Variants in DYNC1I1 observed in about 807,000 individuals in gnomAD.
DYNC1I1 encodes dynein cytoplasmic 1 intermediate chain 1, also known as cytoplasmic dynein 1 intermediate chain 1.
Under a neutral mutation model 86.6 loss-of-function variants are expected in DYNC1I1, and 43 were observed. The ratio of observed to expected loss-of-function variants is 0.50; its 90% confidence interval spans 0.39 to 0.64. The LOEUF (loss-of-function observed/expected upper bound fraction) is 0.64. DYNC1I1 is among the 30% of genes least tolerant of loss of function. The pLI is 0.00. For synonymous variants in DYNC1I1, 262 were observed against 283.7 expected (o/e 0.92, Z 0.77); for missense variants, 604 against 788.8 (o/e 0.77, Z 2.81).
At chr7:95,823,246 C>T (rs1473570439) in intron 4 of DYNC1I1, among the ~76,000 whole-genome samples, 1 of 152,058 alleles carries the variant, frequency 6.6e-6, no homozygotes, top group African/African-American at 2.4e-5. Flanking sequence ...TCCTCCAAGA[C>T]CAGGTCAAAT....
At chr7:95,785,775 G>A (rs1047377094) in intron 1 of DYNC1I1, among the ~76,000 whole-genome samples, 15 of 124,896 alleles carry the variant, frequency 1.2e-4, no homozygotes, top group East Asian at 2.6e-4. Context: ...GTGTGTATGT[G>A]TATATATATA....
At chr7:95,954,005 C>T (rs190069334) in intron 6 of DYNC1I1, among the ~76,000 whole-genome samples, 2 of 152,130 alleles carry the variant, frequency 1.3e-5, no homozygotes, top group East Asian at 3.9e-4. Context: ...AAAGGGGTTC[C>T]CATGCTCTCC....
intron 5 of DYNC1I1, among the ~76,000 whole-genome samples, chr7:95,854,678 A>G (rs1789669650): frequency 6.6e-6 from 1 of 152,220 alleles, no homozygotes; most frequent in South Asian, 2.1e-4. Context: ...GTGTTAAAAT[A>G]AAGATTTAAC....
chr7:95,810,255 C>A, intron 2 of DYNC1I1, 137 bp from the exon 3 acceptor site: 1 of 527,238 alleles, frequency 1.9e-6, no homozygotes. Context: ...GTTTATTCAT[C>A]CTTTATACAT....
At chr7:95,837,821 T>C (rs1467023351) in intron 5 of DYNC1I1, among the ~76,000 whole-genome samples, 2 of 152,294 alleles carry the variant, frequency 1.3e-5, no homozygotes, top group Non-Finnish European at 2.9e-5. Flanking sequence ...CTCACCCTGC[T>C]TCGGCTCGCG....
intron 5 of DYNC1I1, among the ~76,000 whole-genome samples, chr7:95,831,135 A>T (rs2115942533): frequency 6.6e-6 from 1 of 152,248 alleles, no homozygotes; most frequent in East Asian, 1.9e-4. Context: ...TTTATGGGGT[A>T]TATAATTTAT....
chr7:95,959,803 G>C (rs984243363), intron 6 of DYNC1I1, among the ~76,000 whole-genome samples: 2 of 152,128 alleles, frequency 1.3e-5, no homozygotes, highest in African/African-American at 4.8e-5. Context: ...AATTCAATGA[G>C]AGAATCATTG....
At chr7:96,083,615 G>A (rs569243585) in intron 16 of DYNC1I1, among the ~76,000 whole-genome samples, 3 of 152,148 alleles carry the variant, frequency 2.0e-5, no homozygotes, top group Non-Finnish European at 2.9e-5. Flanking sequence ...ACTGCGGAAG[G>A]CCAGATGGAA....
chr7:95,813,263 TC>T lies in DYNC1I1; in HGVS notation c.243del (p.Ser82ProfsTer5). ...EPPLVPTPMS[P>X]SSKSVSTPSE... Reference sequence around the variant, plus strand: ...ATTATTTAGTCCCAACCCCTATGTCTCCCTCCTCGAAATCAGTGAGCACTCC... The same window carrying T: ...ATTATTTAGTCCCAACCCCTATGTCTCCTCCTCGAAATCAGTGAGCACTCC... On this transcript the variant is annotated frameshift_variant, in exon 4 of 17. Transcript: ENST00000447467. LOFTEE classifies it high-confidence loss of function. 1 of 1,612,560 alleles carries T rather than the reference TC, an allele frequency of 6.2e-7. No individual in the cohort carries two copies. The highest frequency in any genetic ancestry group is 8.5e-7 in the Non-Finnish European group (1 of 1,179,516).
At chr7:95,986,709 A>C (rs1394251095) in intron 8 of DYNC1I1, among the ~76,000 whole-genome samples, 1 of 151,958 alleles carries the variant, frequency 6.6e-6, no homozygotes, top group Non-Finnish European at 1.5e-5. Flanking sequence ...TTGATAGCAG[A>C]GATTTCTAAT....
chr7:95,957,853 A>G (rs960998693), intron 6 of DYNC1I1, among the ~76,000 whole-genome samples: 1 of 152,220 alleles, frequency 6.6e-6, no homozygotes, highest in African/African-American at 2.4e-5. Context: ...TTTAAGCCAC[A>G]TTTAAACTCA....
At chr7:96,063,329 G>A (rs1789849012) in intron 14 of DYNC1I1, among the ~76,000 whole-genome samples, 1 of 151,980 alleles carries the variant, frequency 6.6e-6, no homozygotes, top group African/African-American at 2.4e-5. Context: ...GTGGGGAACT[G>A]TGCGCATGTG....
intron 6 of DYNC1I1, among the ~76,000 whole-genome samples, chr7:95,947,980 C>CTTT (rs35181190): frequency 0.012 from 1,325 of 106,804 alleles, 51 homozygotes; most frequent in African/African-American, 0.043. Context: ...TTGTATGTGG[C>CTTT]TTTTTTTTTT....
chr7:95,810,395 G>C lies in DYNC1I1; in HGVS notation c.112G>C (p.Asp38His). ...TCTTACTGACGTCTACTTCTAGGCT[G>C]ATATGCAGCAGAAGAAAGAACCCGT... ...KEEERKKKEADMQQKKEPVQD... is the reference protein window; with the variant it reads ...KEEERKKKEAHMQQKKEPVQD... Residue 38 changes from aspartate (D) to histidine (H), a missense_variant, in exon 3 of 17, where the codon GAT becomes CAT. Asp to His is a moderately conservative substitution (Grantham distance 81). Transcript: ENST00000447467. 2 of 1,607,640 alleles carry C rather than the reference G, an allele frequency of 1.2e-6. No homozygotes were observed. Among genetic ancestry groups the C allele is most frequent in the Non-Finnish European group, 1.7e-6 (2 of 1,177,110 alleles).
chr7:95,792,463 A>G (rs1794329140), intron 1 of DYNC1I1, among the ~76,000 whole-genome samples: 1 of 152,206 alleles, frequency 6.6e-6, no homozygotes, highest in Non-Finnish European at 1.5e-5. Flanking sequence ...CACAGGATAC[A>G]GAGAGGAATC....
intron 9 of DYNC1I1, among the ~76,000 whole-genome samples, chr7:95,992,975 T>C (rs1793768595): frequency 1.3e-5 from 2 of 152,144 alleles, no homozygotes; most frequent in Non-Finnish European, 2.9e-5. Context: ...ATCTGGTAAT[T>C]TCCAGGTAAA....
Position 96,080,412 on chromosome 7 carries a change from T to C in DYNC1I1, c.1700T>C (p.Val567Ala), listed in dbSNP as rs753718608. 3 of 1,614,094 alleles carry C rather than the reference T, an allele frequency of 1.9e-6. No homozygotes were observed. The highest frequency in any genetic ancestry group is 2.5e-6 in the Non-Finnish European group (3 of 1,179,976). Residue 567 changes from valine (V) to alanine (A), a missense_variant, in exon 16 of 17, where the codon GTT becomes GCT. Val to Ala is a moderately conservative substitution (Grantham distance 64). Coordinates refer to ENST00000447467, the MANE Select transcript of DYNC1I1 (RefSeq NM_001135556.2). ...GAGGGGGCATCCGCCCTAAACCGTG[T>C]TCGTTGGGCCCAAGCTGGCAAAGAA... ...AIEGASALNR[V>A]RWAQAGKEVA...
intron 6 of DYNC1I1, among the ~76,000 whole-genome samples, chr7:95,902,689 T>C (rs1002656898): frequency 6.6e-6 from 1 of 152,208 alleles, no homozygotes; most frequent in African/African-American, 2.4e-5. Context: ...CTCATATGCA[T>C]GGGAAACGTA....
chr7:95,851,190 C>T (rs1164988839), intron 5 of DYNC1I1, among the ~76,000 whole-genome samples: 1 of 152,102 alleles, frequency 6.6e-6, no homozygotes, highest in African/African-American at 2.4e-5. Flanking sequence ...CAGCCTTGGC[C>T]TCCCAAAGTG....
Sources: allele counts gnomAD v4.1 joint callset (sites outside exome capture counted in the v4.1 genomes callset), GRCh38; gene constraint gnomAD v4.1.1; transcripts MANE v1.5; gene names NCBI Gene and HGNC (gene_info 2026-07-23, HGNC 2026-07-21).